Variants in CRMP1 observed in about 807,000 individuals in gnomAD.
CRMP1 encodes collapsin response mediator protein 1, also known as dihydropyrimidinase-related protein 1.
Under a neutral mutation model 68.3 loss-of-function variants are expected in CRMP1, and 19 were observed. That is an observed-to-expected ratio of 0.28 (90% CI 0.19 to 0.41). The LOEUF (loss-of-function observed/expected upper bound fraction) is 0.41. Among genes scored for constraint, CRMP1 ranks in the 10% least tolerant of loss-of-function variants. CRMP1 has a pLI of 1.00. For missense variants in CRMP1, 791 were observed against 967.4 expected (o/e 0.82, Z 2.42); for synonymous variants, 439 against 399.6 (o/e 1.10, Z -1.18).
intron 3 of CRMP1, among the ~76,000 whole-genome samples, chr4:5,856,912 TCACCAC>T (rs140408470): frequency 1.1e-4 from 1 of 8,900 alleles, no homozygotes; most frequent in African/African-American, 3.9e-4. Flanking sequence ...ACTAACATTA[TCACCAC>T]CACCACCACC....
intron 11 of CRMP1, among the ~76,000 whole-genome samples, chr4:5,831,647 G>C (rs1720388350): frequency 6.6e-6 from 1 of 152,162 alleles, no homozygotes; most frequent in African/African-American, 2.4e-5. Context: ...CTGGGCTGCT[G>C]TCCCTACTCC....
chr4:5,880,404 G>A lies in CRMP1; in HGVS notation c.381+12185C>T, dbSNP rs185816081. Among the ~76,000 whole-genome samples, 832 of 152,244 alleles carry A rather than the reference G, an allele frequency of 5.5e-3. 2 individuals carry two copies. Among genetic ancestry groups the A allele is most frequent in the Admixed American group, 9.3e-3 (142 of 15,286 alleles). On this transcript the variant is annotated intron_variant, in intron 1 of 13. Coordinates refer to ENST00000324989, the MANE Select transcript of CRMP1 (RefSeq NM_001014809.3). The stretch of plus-strand genomic sequence containing the variant: ...GATATGGTATGATTTAAAAATACAT[G>A]GCAACATAATTTGGGGGCAGGTTCA...
intron 11 of CRMP1, among the ~76,000 whole-genome samples, chr4:5,831,950 A>G (rs1199467805): frequency 6.6e-6 from 1 of 152,232 alleles, no homozygotes; most frequent in African/African-American, 2.4e-5. Context: ...TCATGTGTGC[A>G]TAAACTAAAC....
In CRMP1 at chr4:5,858,439, A is replaced by T. The variant is rs1411816212; in HGVS notation, c.656-2132T>A. ...GACCCCAGCTGTGGTGGACATCACC[A>T]ACCAACGGTTCCACAGCCAGAGGCC... On this transcript the variant is annotated intron_variant, in intron 3 of 13. Transcript: ENST00000324989. This position sits in a 1 kb window ranked among gnomAD's most constrained non-coding sequence, Gnocchi z 5.5. Among the ~76,000 whole-genome samples the T allele has an allele frequency of 6.6e-6, 1 of 151,508 alleles. No homozygotes were observed. The highest frequency in any genetic ancestry group is 2.4e-5 in the African/African-American group (1 of 41,142).
chr4:5,842,401 C>G lies in CRMP1; in HGVS notation c.1032+692G>C, dbSNP rs1711809941. 6.8e-6 allele frequency among the ~76,000 whole-genome samples: 1 copy of G among 147,510 alleles called. No individual in the cohort carries two copies. Among genetic ancestry groups the G allele is most frequent in the African/African-American group, 2.5e-5 (1 of 39,574 alleles). Reference sequence around the variant, plus strand: ...CCGAGATCATACCACTGCACTGTAGCCTGGGCAACAGAGAGAGACTCCATC... The same window carrying G: ...CCGAGATCATACCACTGCACTGTAGGCTGGGCAACAGAGAGAGACTCCATC... On this transcript the variant is annotated intron_variant, in intron 7 of 13. Coordinates refer to ENST00000324989, the MANE Select transcript of CRMP1 (RefSeq NM_001014809.3). This position sits in a 1 kb window ranked among gnomAD's most constrained non-coding sequence, Gnocchi z 4.5.
intron 1 of CRMP1, among the ~76,000 whole-genome samples, chr4:5,874,989 A>T (rs959477944): frequency 6.6e-6 from 1 of 152,210 alleles, no homozygotes; most frequent in African/African-American, 2.4e-5. Context: ...ATGTCTCATG[A>T]GTCAGAGGAG....
At chr4:5,868,267 A>ATC (rs1237429822) in intron 1 of CRMP1, among the ~76,000 whole-genome samples, 1,309 of 16,688 alleles carry the variant, frequency 0.078, 13 homozygotes, top group South Asian at 0.11. Flanking sequence ...ATATCTATAT[A>ATC]TATATATATA....
rs33973891 is a variant in CRMP1 at position 5,869,681 on chromosome 4, CAAAAAAA to C, written c.382-2932_382-2926del. 9.7e-3 allele frequency among the ~76,000 whole-genome samples: 897 copies of C among 92,928 alleles called. 1 individual carries two copies. The highest frequency in any genetic ancestry group is 0.015 in the Non-Finnish European group (724 of 47,850). 61.0% of individuals were successfully genotyped at this position (92,928 alleles called of 152,430 possible). ...CCTGGGCAACAGAGCAAGACTCCGT[CAAAAAAA>C]AAAAAAAAAAAAAGAAAAAGAAAAG... On this transcript the variant is annotated intron_variant, in intron 1 of 13. Coordinates refer to ENST00000324989, the MANE Select transcript of CRMP1 (RefSeq NM_001014809.3).
rs1714940092 is a variant in CRMP1, at chr4:5,877,754, C to T, written c.382-10998G>A. ...ACTTTTTTTCCCCCCGATATTATGC[C>T]TGTTTCCATGACAACTGCAGTTATA... On this transcript the variant is annotated intron_variant, in intron 1 of 13. Transcript: ENST00000324989. This position sits in a 1 kb window ranked among gnomAD's most constrained non-coding sequence, Gnocchi z 4.3. Among the ~76,000 whole-genome samples the T allele has an allele frequency of 6.6e-6, 1 of 152,186 alleles. No homozygotes were observed. Among genetic ancestry groups the T allele is most frequent in the Non-Finnish European group, 1.5e-5 (1 of 68,040 alleles).
In CRMP1 at chr4:5,843,426, G is replaced by T. The variant is rs566768532; in HGVS notation, c.964-265C>A. The stretch of plus-strand genomic sequence containing the variant: ...CCCGGGATCAATGAGAGGAAGCAGG[G>T]TTATAAGACACGAGCTTCCAAGGCC... On this transcript the variant is annotated intron_variant, in intron 6 of 13. Transcript: ENST00000324989. This position sits in a 1 kb window ranked among gnomAD's most constrained non-coding sequence, Gnocchi z 4.1. 1.3e-5 allele frequency among the ~76,000 whole-genome samples: 2 copies of T among 152,196 alleles called. No homozygotes were observed. The highest frequency in any genetic ancestry group is 4.8e-5 in the African/African-American group (2 of 41,542).
intron 1 of CRMP1, among the ~76,000 whole-genome samples, chr4:5,875,773 A>G (rs2152472399): frequency 6.6e-6 from 1 of 152,266 alleles, no homozygotes; most frequent in East Asian, 1.9e-4. Flanking sequence ...AGTTTTCTCC[A>G]AACCCTGATG....
intron 11 of CRMP1, among the ~76,000 whole-genome samples, chr4:5,830,151 G>A (rs982268759): frequency 2.0e-5 from 3 of 152,098 alleles, no homozygotes; most frequent in Admixed American, 6.6e-5. Flanking sequence ...ATTTCTTACG[G>A]TGTCACTGTG....
intron 8 of CRMP1, 34 bp from the exon 9 acceptor site, chr4:5,839,712 C>A (rs372628236): frequency 3.2e-6 from 5 of 1,585,630 alleles, no homozygotes; most frequent in South Asian, 1.1e-5. Context: ...TGGTTAAAAG[C>A]AAATACTCTC....
chr4:5,866,595 G>T lies in CRMP1; in HGVS notation c.470+73C>A. 9.1e-7 allele frequency: 1 copy of T among 1,100,214 alleles called. No individual in the cohort carries two copies. Among genetic ancestry groups the T allele is most frequent in the Non-Finnish European group, 1.4e-6 (1 of 732,712 alleles). The allele number at this position is 1,100,214 out of a possible 1,614,324, so 68.2% of individuals were successfully genotyped here. A position where few individuals can be genotyped will look rare whatever the true frequency, so the allele number is the denominator to read the frequency against. ...CCCGTCATTCTAGGACAGAATGCCA[G>T]CCTTCTGTTCCATCTAAGGCCAGGC... On this transcript the variant is annotated intron_variant, in intron 2 of 13. Coordinates refer to ENST00000324989, the MANE Select transcript of CRMP1 (RefSeq NM_001014809.3). This position sits in a 1 kb window ranked among gnomAD's most constrained non-coding sequence, Gnocchi z 5.9.
chr4:5,890,614 C>T lies in CRMP1; in HGVS notation c.381+1975G>A, dbSNP rs1285095283. Among the ~76,000 whole-genome samples the T allele has an allele frequency of 6.6e-6, 1 of 152,338 alleles. No individual in the cohort carries two copies. Among genetic ancestry groups the T allele is most frequent in the Non-Finnish European group, 1.5e-5 (1 of 68,036 alleles). On this transcript the variant is annotated intron_variant, in intron 1 of 13. Coordinates refer to ENST00000324989, the MANE Select transcript of CRMP1 (RefSeq NM_001014809.3). This position sits in a 1 kb window ranked among gnomAD's most constrained non-coding sequence, Gnocchi z 5.5. Reference sequence around the variant, plus strand: ...TCGAGTGCTTTCGGAGCCCCGGGAGCGCCAGAGGCGCTGCCTTTTGTCCGG... The same window carrying T: ...TCGAGTGCTTTCGGAGCCCCGGGAGTGCCAGAGGCGCTGCCTTTTGTCCGG...
chr4:5,879,140 C>G lies in CRMP1; in HGVS notation c.382-12384G>C, dbSNP rs1715054779. On this transcript the variant is annotated intron_variant, in intron 1 of 13. Coordinates refer to ENST00000324989, the MANE Select transcript of CRMP1 (RefSeq NM_001014809.3). This position sits in a 1 kb window ranked among gnomAD's most constrained non-coding sequence, Gnocchi z 4.2. ...TGTAGGACAAAGCTCACCTCCTAGG[C>G]TCTTCCCGGCCTGAGCCCGGCCCTC... Among the ~76,000 whole-genome samples the G allele has an allele frequency of 6.6e-6, 1 of 151,444 alleles. No homozygotes were observed. Among genetic ancestry groups the G allele is most frequent in the Non-Finnish European group, 1.5e-5 (1 of 67,842 alleles).
rs1713568847 is a variant in CRMP1 at position 5,861,658 on chromosome 4, C to T, written c.471-448G>A. Among the ~76,000 whole-genome samples, 1 of 152,082 alleles carries T rather than the reference C, an allele frequency of 6.6e-6. No individual in the cohort carries two copies. The highest frequency in any genetic ancestry group is 2.4e-5 in the African/African-American group (1 of 41,426). On this transcript the variant is annotated intron_variant, in intron 2 of 13. Coordinates refer to ENST00000324989, the MANE Select transcript of CRMP1 (RefSeq NM_001014809.3). The surrounding 1 kb of genome is among the most constrained non-coding windows in gnomAD (Gnocchi z 6.0). ...AGAGCCTACGAAATGAGAAACGAAG[C>T]CCCCGGGGATCTCCATGGGTGACTT...
intron 1 of CRMP1, among the ~76,000 whole-genome samples, chr4:5,876,239 T>C (rs890695572): frequency 2.0e-5 from 3 of 152,086 alleles, no homozygotes; most frequent in East Asian, 1.9e-4. Flanking sequence ...CGAGTGGACA[T>C]AGTTGGCAAG....
At chr4:5,885,268 T>C (rs78119152) in intron 1 of CRMP1, among the ~76,000 whole-genome samples, 1 of 152,082 alleles carries the variant, frequency 6.6e-6, no homozygotes, top group Admixed American at 6.5e-5. Context: ...TCTGAACTCA[T>C]TGGCAAAGCT....
Sources: allele counts gnomAD v4.1 joint callset (sites outside exome capture counted in the v4.1 genomes callset), GRCh38; gene constraint gnomAD v4.1.1; non-coding constraint Gnocchi (gnomAD v3.1); transcripts MANE v1.5; gene names NCBI Gene and HGNC (gene_info 2026-07-23, HGNC 2026-07-21).